Variants in TMEM123 observed in about 807,000 individuals in gnomAD.
TMEM123 encodes transmembrane protein 123.
TMEM123 carries 16 observed loss-of-function variants against 19.7 expected under a neutral mutation model. The ratio of observed to expected loss-of-function variants is 0.81; its 90% CI spans 0.55 to 1.23. TMEM123 has a LOEUF of 1.23. Ranked by LOEUF, TMEM123 falls within the 50% of genes most tolerant of loss-of-function variation. The pLI is 0.00. For synonymous variants in TMEM123, 118 were observed against 99.4 expected (o/e 1.19, Z -1.12); for missense variants, 313 against 257.8 (o/e 1.21, Z -1.47).
intron 2 of TMEM123, among the ~76,000 whole-genome samples, chr11:102,418,516 T>C (rs1952059619): frequency 3.3e-5 from 5 of 152,118 alleles, no homozygotes; most frequent in Admixed American, 3.3e-4. Context: ...AAATAACAGA[T>C]ACTGGCAAGG....
chr11:102,434,794 T>C lies in TMEM123; in HGVS notation c.157+14018A>G, dbSNP rs543373924. Among the ~76,000 whole-genome samples, 5 of 152,090 alleles carry C rather than the reference T, an allele frequency of 3.3e-5. No homozygotes were observed. The South Asian group carries it at 6.2e-4, about 19-fold the overall frequency. On this transcript the variant is annotated intron_variant, in intron 2 of 4. Coordinates refer to ENST00000398136, the MANE Select transcript of TMEM123 (RefSeq NM_052932.3). ...GGTCTGATATCAGGGTGCTATTTCATTCTTCTGCATGTGGATAACCAGTTT... is the reference window on the plus strand; with the variant it reads ...GGTCTGATATCAGGGTGCTATTTCACTCTTCTGCATGTGGATAACCAGTTT...
intron 2 of TMEM123, among the ~76,000 whole-genome samples, chr11:102,437,680 G>A (rs577854694): frequency 2.4e-4 from 36 of 152,246 alleles, no homozygotes; most frequent in South Asian, 4.1e-4. Flanking sequence ...CAGGGTGTAT[G>A]AGAGTGCACA....
At chr11:102,452,427 C>A (rs1857951861) in intron 1 of TMEM123, 97 bp downstream of exon 1, 5 of 1,082,922 alleles carry the variant, frequency 4.6e-6, no homozygotes, top group Non-Finnish European at 4.9e-6. Flanking sequence ...GCCAGACACA[C>A]GCGGAACTTT....
intron 1 of TMEM123, chr11:102,452,226 A>T: frequency 3.3e-6 from 1 of 299,458 alleles, no homozygotes; most frequent in Non-Finnish European, 6.1e-6. Context: ...GAAAGGCTGT[A>T]AAAACCAACT....
chr11:102,437,311 T>C (rs1229953976), intron 2 of TMEM123, among the ~76,000 whole-genome samples: 1 of 151,952 alleles, frequency 6.6e-6, no homozygotes, highest in African/African-American at 2.4e-5. Context: ...ATACAAAAAT[T>C]AGCTGGGTGC....
At chr11:102,407,756 A>G (rs1307960997) in intron 2 of TMEM123, among the ~76,000 whole-genome samples, 3 of 152,020 alleles carry the variant, frequency 2.0e-5, no homozygotes, top group African/African-American at 7.3e-5. Context: ...GAGGCATGGA[A>G]CAGATTCTCT....
intron 2 of TMEM123, among the ~76,000 whole-genome samples, chr11:102,429,024 G>C (rs1039623071): frequency 7.2e-5 from 11 of 152,168 alleles, no homozygotes; most frequent in African/African-American, 2.7e-4. Context: ...GTAGGCACGA[G>C]ATTCAAACCA....
chr11:102,441,729 C>G (rs1029264191), intron 2 of TMEM123, among the ~76,000 whole-genome samples: 6 of 148,092 alleles, frequency 4.1e-5, no homozygotes, highest in African/African-American at 1.5e-4. Flanking sequence ...CACAAAAAAC[C>G]CTTCAAAAAA....
At chr11:102,426,545 A>G (rs187522823) in intron 2 of TMEM123, among the ~76,000 whole-genome samples, 5 of 151,968 alleles carry the variant, frequency 3.3e-5, no homozygotes, top group African/African-American at 1.2e-4. Context: ...GCTAACTAGT[A>G]GACTTACAAA....
Position 102,418,080 on chromosome 11 carries a change from A to AG in TMEM123, c.158-15875_158-15874insC, listed in dbSNP as rs1952055961. Among the ~76,000 whole-genome samples the AG allele has an allele frequency of 5.3e-5, 8 of 151,592 alleles. No homozygotes were observed. The South Asian group carries it at 1.5e-3, about 28-fold the overall frequency. On this transcript the variant is annotated intron_variant, in intron 2 of 4. Transcript: ENST00000398136. The stretch of plus-strand genomic sequence containing the variant: ...GAAGGGAGGGAAGCAGAAAAAAAAA[A>AG]TAAAACCCTAGAAGAAAACCTAGGA...
At chr11:102,439,404 G>C (rs1341058824) in intron 2 of TMEM123, among the ~76,000 whole-genome samples, 1 of 152,014 alleles carries the variant, frequency 6.6e-6, no homozygotes, top group Non-Finnish European at 1.5e-5. Context: ...CTGTTCTGCA[G>C]CCTCTGCTGG....
At chr11:102,438,338 C>T (rs924663351) in intron 2 of TMEM123, among the ~76,000 whole-genome samples, 8 of 152,170 alleles carry the variant, frequency 5.3e-5, no homozygotes, top group Non-Finnish European at 1.0e-4. Flanking sequence ...AGCCATGAGC[C>T]ACCGTGCCCA....
At chr11:102,409,329 T>A (rs1353345996) in intron 2 of TMEM123, among the ~76,000 whole-genome samples, 1 of 152,014 alleles carries the variant, frequency 6.6e-6, no homozygotes, top group East Asian at 1.9e-4. Context: ...TTATATGGGG[T>A]TCTGGGAATT....
chr11:102,447,323 G>A (rs948888437), intron 2 of TMEM123, among the ~76,000 whole-genome samples: 1 of 152,200 alleles, frequency 6.6e-6, no homozygotes, highest in Admixed American at 6.5e-5. Context: ...GTGTGATAAA[G>A]AGACATAGGT....
intron 2 of TMEM123, among the ~76,000 whole-genome samples, chr11:102,420,492 A>G (rs1447962045): frequency 6.6e-6 from 1 of 152,174 alleles, no homozygotes; most frequent in East Asian, 1.9e-4. Context: ...TGTAATTTTC[A>G]TAACCCTAGG....
chr11:102,423,272 C>G (rs1952100771), intron 2 of TMEM123, among the ~76,000 whole-genome samples: 2 of 152,160 alleles, frequency 1.3e-5, no homozygotes, highest in African/African-American at 4.8e-5. Flanking sequence ...AAAAGTGAAG[C>G]CTCATTCCAC....
At chr11:102,430,928 G>A (rs1253436487) in intron 2 of TMEM123, among the ~76,000 whole-genome samples, 1 of 152,148 alleles carries the variant, frequency 6.6e-6, no homozygotes, top group South Asian at 2.1e-4. Context: ...TGACATGGGG[G>A]AGGGACCACT....
intron 2 of TMEM123, among the ~76,000 whole-genome samples, chr11:102,415,714 GA>G (rs556465816): frequency 3.2e-4 from 48 of 152,112 alleles, no homozygotes; most frequent in Non-Finnish European, 5.7e-4. Context: ...ATGCCCACAT[GA>G]AAATGTTAGA....
At chr11:102,424,504 T>C (rs181680684) in intron 2 of TMEM123, among the ~76,000 whole-genome samples, 6 of 152,180 alleles carry the variant, frequency 3.9e-5, no homozygotes, top group African/African-American at 9.6e-5. Flanking sequence ...CTGGCCAACA[T>C]GGCAAAACCC....
Sources: gnomAD v4.1 joint callset for allele counts (sites outside exome capture counted in the v4.1 genomes callset) on GRCh38, gnomAD v4.1.1 for gene constraint, MANE v1.5 for transcripts, NCBI Gene and HGNC (gene_info 2026-07-23, HGNC 2026-07-21) for gene names.